The following RIMBP2 variants were observed in gnomAD, a reference collection of about 807,000 sequenced individuals.
The protein encoded by RIMBP2 is RIMS-binding protein 2.
RIMBP2 carries 48 observed loss-of-function variants against 118.6 expected under a neutral mutation model. The ratio of observed to expected loss-of-function variants is 0.40; its 90% CI spans 0.32 to 0.51. The LOEUF is 0.51. Among genes scored for constraint, RIMBP2 ranks in the 20% least tolerant of loss-of-function variants. RIMBP2 has a pLI of 0.41. For missense variants in RIMBP2, 1,551 were observed against 1,768.3 expected (o/e 0.88, Z 2.20); for synonymous variants, 762 against 742.9 (o/e 1.03, Z -0.42).
chr12:130,650,957 T>TAAAA (rs1346691383), intron 1 of RIMBP2, among the ~76,000 whole-genome samples: 1 of 130,426 alleles, frequency 7.7e-6, no homozygotes, highest in African/African-American at 3.0e-5. Context: ...CTTGTTTTTT[T>TAAAA]TAAAAAAAAA....
Position 130,407,809 on chromosome 12 carries a change from T to C in RIMBP2, c.3610A>G (p.Arg1204Gly), listed in dbSNP as rs776749567. 6.8e-6 allele frequency: 11 copies of C among 1,613,910 alleles called. No homozygotes were observed. The highest frequency in any genetic ancestry group is 4.2e-6 in the Non-Finnish European group (5 of 1,179,812). The change falls in exon 20 of 23, where the codon AGG (arginine) becomes GGG (glycine). Residue 1204 changes from arginine (R) to glycine (G), a missense_variant. Transcript: ENST00000690449. ...CTCCGCGTCGATACCGAATGACGCC[T>C]GCCACTTCTCCTGCTTCTCTCTGTT... ...EKIERSRRSG[R>G]RHSVSTRRMV... is the part of the protein sequence containing the mutation.
chr12:130,485,024 C>T (rs530503091), intron 4 of RIMBP2, among the ~76,000 whole-genome samples: 19 of 151,406 alleles, frequency 1.3e-4, no homozygotes, highest in Non-Finnish European at 1.6e-4. Flanking sequence ...ATTAAGTTCT[C>T]TGTGTTATGT....
chr12:130,416,128 T>C (rs928040269), intron 17 of RIMBP2, among the ~76,000 whole-genome samples: 2 of 152,204 alleles, frequency 1.3e-5, no homozygotes, highest in South Asian at 4.1e-4. Flanking sequence ...GGTTAGAATA[T>C]CATTAAAGTA....
At chr12:130,661,472 T>C (rs183252171) in intron 1 of RIMBP2, among the ~76,000 whole-genome samples, 101 of 152,350 alleles carry the variant, frequency 6.6e-4, no homozygotes, top group African/African-American at 2.3e-3. Context: ...ACCAAGAATC[T>C]ACACACAGTA....
At position 130,581,310 on chromosome 12, in the gene RIMBP2, CCACA is replaced by C. The variant is rs1236990679; in HGVS notation, c.-217+47008_-217+47011del. 2.6e-5 allele frequency among the ~76,000 whole-genome samples: 4 copies of C among 152,074 alleles called. No individual in the cohort carries two copies. Among genetic ancestry groups the C allele is most frequent in the Non-Finnish European group, 5.9e-5 (4 of 67,996 alleles). The stretch of plus-strand genomic sequence containing the variant: ...GGGCGTGGATCTGGTGAGCTGAAGC[CCACA>C]CAGGGGCCCCATCTGCTCCAGCAAT... On this transcript the variant is annotated intron_variant, in intron 2 of 22. Coordinates refer to ENST00000690449, the MANE Select transcript of RIMBP2 (RefSeq NM_001393629.1). The surrounding 1 kb of genome is among the most constrained non-coding windows in gnomAD (Gnocchi z 4.4).
chr12:130,503,409 A>T (rs1593554915), intron 4 of RIMBP2, among the ~76,000 whole-genome samples: 1 of 89,108 alleles, frequency 1.1e-5, no homozygotes, highest in Admixed American at 9.7e-5. Context: ...AGAAAAAACA[A>T]AAAACAAAAA....
chr12:130,664,447 G>GGTGCATGCACA, intron 1 of RIMBP2, among the ~76,000 whole-genome samples: 1 of 122,414 alleles, frequency 8.2e-6, no homozygotes, highest in East Asian at 2.5e-4. Context: ...ACGCACACAC[G>GGTGCATGCACA]CACACACATG....
rs574050699 is a variant in RIMBP2, at chr12:130,476,883, C to T, written c.102+2029G>A. 2.8e-4 allele frequency among the ~76,000 whole-genome samples: 42 copies of T among 152,290 alleles called. 1 individual carries two copies. The highest frequency in any genetic ancestry group is 3.7e-4 in the Non-Finnish European group (25 of 68,034). On this transcript the variant is annotated intron_variant, in intron 5 of 22. Coordinates refer to ENST00000690449, the MANE Select transcript of RIMBP2 (RefSeq NM_001393629.1). ...GTGGCTGCTTGGAGGGGCAGACGGC[C>T]GACCCCTGCTGAATGACGGTACGAC...
chr12:130,442,164 C>T lies in RIMBP2; in HGVS notation c.1188G>A (p.Glu396=), dbSNP rs2078188029. The T allele has an allele frequency of 3.1e-6, 5 of 1,614,190 alleles. No individual in the cohort carries two copies. Among genetic ancestry groups the T allele is most frequent in the Non-Finnish European group, 4.2e-6 (5 of 1,180,036 alleles). The change falls in exon 11 of 23, where the codon GAG becomes GAA. Residue 396 remains glutamate (E), a synonymous_variant. Transcript: ENST00000690449. This position sits in a 1 kb window ranked among gnomAD's most constrained non-coding sequence, Gnocchi z 6.9. ...QCVTSRGSSD[E]LQCTLLVGKD... is the part of the protein sequence containing the mutation. ...TGCCCACCAGCAGCGTGCACTGCAG[C>T]TCATCCGAGCTGCCCCTGCTGGTGA... is the stretch of plus-strand genomic sequence containing the variant.
chr12:130,587,258 G>A (rs1204192799), intron 2 of RIMBP2, among the ~76,000 whole-genome samples: 205 of 129,116 alleles, frequency 1.6e-3, no homozygotes, highest in African/African-American at 5.8e-3. Context: ...AACCATTGTG[G>A]AAGTCAGTGT....
chr12:130,650,727 A>C (rs866541818), intron 1 of RIMBP2, among the ~76,000 whole-genome samples: 1 of 152,128 alleles, frequency 6.6e-6, no homozygotes, highest in African/African-American at 2.4e-5. Flanking sequence ...AACAAGGGAG[A>C]CTCTGAGTTG....
Position 130,422,950 on chromosome 12 carries a change from G to A in RIMBP2, c.3130-389C>T, listed in dbSNP as rs922216041. The stretch of plus-strand genomic sequence containing the variant: ...CACATGCCCCCCTCCCAGCTGTCAC[G>A]AAAGTGGGGAAGATGTTGCAGTTCC... On this transcript the variant is annotated intron_variant, in intron 16 of 22. Coordinates refer to ENST00000690449, the MANE Select transcript of RIMBP2 (RefSeq NM_001393629.1). This position sits in a 1 kb window ranked among gnomAD's most constrained non-coding sequence, Gnocchi z 5.2. Among the ~76,000 whole-genome samples, 5 of 152,132 alleles carry A rather than the reference G, an allele frequency of 3.3e-5. No homozygotes were observed. The highest frequency in any genetic ancestry group is 7.2e-5 in the African/African-American group (3 of 41,420).
chr12:130,647,334 G>T (rs1216592091), intron 1 of RIMBP2, among the ~76,000 whole-genome samples: 3 of 152,164 alleles, frequency 2.0e-5, no homozygotes, highest in Non-Finnish European at 2.9e-5. Context: ...CTGCACTCCA[G>T]CCTAGGTGAC....
intron 1 of RIMBP2, among the ~76,000 whole-genome samples, chr12:130,712,331 A>G (rs1331186990): frequency 2.0e-5 from 3 of 152,220 alleles, no homozygotes; most frequent in African/African-American, 2.4e-5. Flanking sequence ...CACATTGTAC[A>G]GCTGTACAAA....
intron 4 of RIMBP2, among the ~76,000 whole-genome samples, chr12:130,503,512 A>G (rs1433678741): frequency 6.6e-6 from 1 of 152,190 alleles, no homozygotes; most frequent in African/African-American, 2.4e-5. Context: ...CGATGCAAAA[A>G]AGGCTTGAAA....
At chr12:130,705,780 G>C (rs78620816) in intron 1 of RIMBP2, among the ~76,000 whole-genome samples, 2 of 152,204 alleles carry the variant, frequency 1.3e-5, no homozygotes, top group Non-Finnish European at 2.9e-5. Context: ...CAAGGCAAAC[G>C]CCCACCAATG....
chr12:130,505,371 C>G (rs1423843157), intron 4 of RIMBP2, among the ~76,000 whole-genome samples: 1 of 151,996 alleles, frequency 6.6e-6, no homozygotes. Flanking sequence ...GGCACTTTCA[C>G]AAAGTTCTGC....
chr12:130,579,660 C>A (rs758226665), intron 2 of RIMBP2, among the ~76,000 whole-genome samples: 31 of 152,094 alleles, frequency 2.0e-4, no homozygotes, highest in Non-Finnish European at 4.0e-4. Flanking sequence ...CCAGCACACT[C>A]CCCCATTGAG....
chr12:130,705,228 T>C (rs1253739320), intron 1 of RIMBP2, among the ~76,000 whole-genome samples: 1 of 152,160 alleles, frequency 6.6e-6, no homozygotes, highest in East Asian at 1.9e-4. Context: ...AGAAGATGCC[T>C]GCACACCCGA....
Sources: allele counts gnomAD v4.1 joint callset (sites outside exome capture counted in the v4.1 genomes callset), GRCh38; gene constraint gnomAD v4.1.1; non-coding constraint Gnocchi (gnomAD v3.1); transcripts MANE v1.5; gene names NCBI Gene and HGNC (gene_info 2026-07-23, HGNC 2026-07-21).